The following REEP1 variants were observed in gnomAD, a reference collection of about 807,000 sequenced individuals.
REEP1 encodes receptor expression-enhancing protein 1.
In REEP1, 22 loss-of-function variants were observed where a neutral mutation model predicts 40.3. The observed-to-expected ratio is 0.55, with a 90% CI of 0.39 to 0.78. REEP1 has a LOEUF of 0.78. Ranked by LOEUF, REEP1 falls within the 30% of genes least tolerant of loss-of-function variation. The pLI is 0.00. For synonymous variants in REEP1, 116 were observed against 139.2 expected, an observed-to-expected ratio of 0.83 and a Z score of 1.17; for missense variants, 280 against 361.1, an observed-to-expected ratio of 0.78 and a Z score of 1.82.
chr2:86,310,890 G>A (rs1015947713), intron 1 of REEP1, among the ~76,000 whole-genome samples: 6 of 152,206 alleles, frequency 3.9e-5, no homozygotes, highest in African/African-American at 1.4e-4. Flanking sequence ...TATGAGTTAA[G>A]AAATACAAAA....
intron 2 of REEP1, among the ~76,000 whole-genome samples, chr2:86,269,017 A>C (rs889715343): frequency 6.6e-6 from 1 of 152,224 alleles, no homozygotes; most frequent in Non-Finnish European, 1.5e-5. Flanking sequence ...AATGCAAAGC[A>C]CAAGACTAAA....
chr2:86,217,666 A>ATTTTTTT (rs10668934), intron 8 of REEP1, among the ~76,000 whole-genome samples: 1,149 of 112,852 alleles, frequency 0.01, 62 homozygotes, highest in African/African-American at 0.035. Context: ...GGGATTTCAG[A>ATTTTTTT]TTTTTTTTTT....
chr2:86,283,521 A>G lies in REEP1; in HGVS notation c.33-1279T>C, dbSNP rs147488417. On this transcript the variant is annotated intron_variant, in intron 1 of 8. Transcript: ENST00000538924. ...AACCCAAAGCTGTAGTTCACTGGGT[A>G]TTGAGAGAACTCCTAGTCCAGAAGC... is the stretch of plus-strand genomic sequence containing the variant. Among the ~76,000 whole-genome samples, 354 of 152,304 alleles carry G rather than the reference A, an allele frequency of 2.3e-3. 3 individuals carry two copies. The highest frequency in any genetic ancestry group is 8.2e-3 in the African/African-American group (341 of 41,552).
At chr2:86,257,538 C>T (rs984201279) in intron 3 of REEP1, among the ~76,000 whole-genome samples, 1 of 152,152 alleles carries the variant, frequency 6.6e-6, no homozygotes, top group Non-Finnish European at 1.5e-5. Context: ...ATTCTATACA[C>T]CCGTTACTAC....
chr2:86,320,441 G>A (rs1480436027), intron 1 of REEP1, among the ~76,000 whole-genome samples: 1 of 151,966 alleles, frequency 6.6e-6, no homozygotes, highest in African/African-American at 2.4e-5. Flanking sequence ...GAAATTCCAA[G>A]GAATACAAGC....
intron 4 of REEP1, among the ~76,000 whole-genome samples, chr2:86,252,428 C>T (rs1676338687): frequency 6.6e-6 from 1 of 152,094 alleles, no homozygotes; most frequent in Admixed American, 6.6e-5. Flanking sequence ...GGAGAGAGTG[C>T]CCAGAACCGA....
At chr2:86,218,006 GT>G in intron 8 of REEP1, among the ~76,000 whole-genome samples, 1 of 152,192 alleles carries the variant, frequency 6.6e-6, no homozygotes, top group Non-Finnish European at 1.5e-5. Flanking sequence ...TGGCCCCCGT[GT>G]CTGTCCACTT....
chr2:86,277,110 A>T lies in REEP1; in HGVS notation c.105+5060T>A, dbSNP rs1035089233. Among the ~76,000 whole-genome samples, 3 of 152,196 alleles carry T rather than the reference A, an allele frequency of 2.0e-5. No homozygotes were observed. In the South Asian group the frequency reaches 6.2e-4, roughly 32 times the overall value. The stretch of plus-strand genomic sequence containing the variant: ...CGATACTCACGCCAGTAGGAAATAG[A>T]TGATAAAGGGGCTTATGGGCTTTGA... On this transcript the variant is annotated intron_variant, in intron 2 of 8. Transcript: ENST00000538924.
intron 1 of REEP1, among the ~76,000 whole-genome samples, chr2:86,334,159 T>C (rs1327474486): frequency 6.6e-6 from 1 of 152,184 alleles, no homozygotes; most frequent in African/African-American, 2.4e-5. Context: ...CAAGCCACAA[T>C]TGCTTTCTTC....
chr2:86,314,518 C>A (rs746286641), intron 1 of REEP1, among the ~76,000 whole-genome samples: 120 of 151,742 alleles, frequency 7.9e-4, no homozygotes, highest in South Asian at 1.9e-3. Context: ...AGCGACAGGG[C>A]TAGACTGTTA....
rs35885517 is a variant in REEP1 at position 86,256,347 on chromosome 2, CAAAAAAAA to C, written c.183-1541_183-1534del. 1.1e-4 allele frequency among the ~76,000 whole-genome samples: 11 copies of C among 100,288 alleles called. No homozygotes were observed. The East Asian group carries it at 3.4e-3, about 31-fold the overall frequency. The allele number at this position is 100,288 out of a possible 152,430, so 65.8% of individuals were successfully genotyped here. A position where few individuals can be genotyped will look rare whatever the true frequency, so the allele number is the denominator to read the frequency against. ...TGGGCGACAGAGCAAGATTCCATCT[CAAAAAAAA>C]AAAAAAAAAAAGAACTTCACCTGCA... On this transcript the variant is annotated intron_variant, in intron 3 of 8. Transcript: ENST00000538924.
chr2:86,229,295 G>T (rs555728505), intron 6 of REEP1, among the ~76,000 whole-genome samples: 1 of 152,358 alleles, frequency 6.6e-6, no homozygotes, highest in East Asian at 1.9e-4. Context: ...TCAGGAGGAA[G>T]GAGCATGCCT....
chr2:86,279,556 A>G (rs1205852038), intron 2 of REEP1, among the ~76,000 whole-genome samples: 1 of 152,218 alleles, frequency 6.6e-6, no homozygotes, highest in Non-Finnish European at 1.5e-5. Context: ...GCATTATTAA[A>G]TTAAGGACCT....
chr2:86,265,070 A>C (rs1305414808), intron 2 of REEP1, among the ~76,000 whole-genome samples: 1 of 152,216 alleles, frequency 6.6e-6, no homozygotes, highest in Non-Finnish European at 1.5e-5. Context: ...TCTACATATA[A>C]ATTCTCTTCA....
chr2:86,315,046 T>G (rs537686370), intron 1 of REEP1, among the ~76,000 whole-genome samples: 2 of 152,016 alleles, frequency 1.3e-5, no homozygotes, highest in African/African-American at 4.8e-5. Context: ...CCTGTCCTCA[T>G]GAGCTCTTCA....
intron 1 of REEP1, among the ~76,000 whole-genome samples, chr2:86,324,259 A>G (rs1041356860): frequency 4.6e-5 from 7 of 152,236 alleles, no homozygotes; most frequent in African/African-American, 1.7e-4. Context: ...CATAAATGAC[A>G]GAAGTTTAGC....
intron 1 of REEP1, among the ~76,000 whole-genome samples, chr2:86,331,275 C>T (rs994130475): frequency 5.3e-5 from 8 of 152,124 alleles, no homozygotes; most frequent in African/African-American, 1.9e-4. Context: ...GTTTGGGTCA[C>T]CTGCCCACCT....
At chr2:86,255,105 C>A (rs1676483470) in intron 3 of REEP1, 1 of 349,678 alleles carries the variant, frequency 2.9e-6, no homozygotes, top group Non-Finnish European at 5.4e-6. Flanking sequence ...CTGGCACAGG[C>A]TGGAGCTTCC....
intron 2 of REEP1, among the ~76,000 whole-genome samples, chr2:86,271,472 G>A (rs12622200): frequency 0.34 from 51,991 of 151,904 alleles, 9,825 homozygotes; most frequent in Middle Eastern, 0.45. Flanking sequence ...GACTATCAGA[G>A]AAAATGGAAT....
Sources: allele counts gnomAD v4.1 joint callset (sites outside exome capture counted in the v4.1 genomes callset), GRCh38; gene constraint gnomAD v4.1.1; transcripts MANE v1.5; gene names NCBI Gene and HGNC (gene_info 2026-07-23, HGNC 2026-07-21).